PPIL2: variants seen among roughly 807,000 people sequenced by gnomAD.
PPIL2 encodes the protein RING-type E3 ubiquitin-protein ligase PPIL2.
In PPIL2, 50 loss-of-function variants were observed where a neutral mutation model predicts 75.2. The ratio of observed to expected loss-of-function variants is 0.66; its 90% CI spans 0.53 to 0.84. PPIL2 has a LOEUF of 0.84. Ranked by LOEUF, PPIL2 falls within the 40% of genes least tolerant of loss-of-function variation. PPIL2 has a pLI of 0.00. For synonymous variants in PPIL2, 245 were observed against 258.8 expected, an observed-to-expected ratio of 0.95 and a Z score of 0.51; for missense variants, 590 against 685.0, an observed-to-expected ratio of 0.86 and a Z score of 1.55.
intron 9 of PPIL2, among the ~76,000 whole-genome samples, chr22:21,684,044 C>T (rs2067238393): frequency 6.6e-6 from 1 of 151,140 alleles, no homozygotes; most frequent in African/African-American, 2.4e-5. Context: ...CCTGTCTCTA[C>T]AAAAAATAGA....
intron 13 of PPIL2, 150 bp downstream of exon 13, chr22:21,687,882 G>T: frequency 9.3e-7 from 1 of 1,073,498 alleles, no homozygotes. Flanking sequence ...GGAACCCATA[G>T]ACTGACCCTT....
intron 10 of PPIL2, 22 bp from the exon 11 acceptor site, chr22:21,686,461 G>A (rs202026507): frequency 4.3e-4 from 689 of 1,611,998 alleles, no homozygotes; most frequent in Non-Finnish European, 4.8e-4. Context: ...CTGCTGAGGT[G>A]CCACCCTGGT....
rs1569039720 is a variant in PPIL2 at position 21,688,754 on chromosome 22, G to GCCCT, written c.1045_1048dup (p.Phe350SerfsTer57). 1.2e-6 allele frequency: 2 copies of GCCCT among 1,614,200 alleles called. No homozygotes were observed. The highest frequency in any genetic ancestry group is 1.7e-6 in the Non-Finnish European group (2 of 1,180,020). On this transcript the variant is annotated frameshift_variant, in exon 15 of 20. Coordinates refer to ENST00000398831, the MANE Select transcript of PPIL2 (RefSeq NM_014337.4). LOFTEE classifies it high-confidence loss of function. ...CAGGTGGGGAGTCATACTGGGGGAA[G>GCCCT]CCCTTCAAAGACGAGTTCCGGCCCA...
chr22:21,686,022 C>CGTG (rs1320506436), intron 10 of PPIL2, among the ~76,000 whole-genome samples: 4 of 151,920 alleles, frequency 2.6e-5, no homozygotes, highest in Non-Finnish European at 4.4e-5. Flanking sequence ...ATCAGCCAGG[C>CGTG]GTGGTGGCAT....
intron 9 of PPIL2, among the ~76,000 whole-genome samples, chr22:21,683,876 A>G (rs1195285143): frequency 6.6e-6 from 1 of 152,174 alleles, no homozygotes; most frequent in Non-Finnish European, 1.5e-5. Flanking sequence ...ACCCCCAAAC[A>G]CTTCTATTAT....
At chr22:21,672,004 C>G (rs2066652056) in intron 4 of PPIL2, among the ~76,000 whole-genome samples, 1 of 152,124 alleles carries the variant, frequency 6.6e-6, no homozygotes, top group South Asian at 2.1e-4. Context: ...TGAGCCATGA[C>G]TGAAACACTG....
intron 1 of PPIL2, among the ~76,000 whole-genome samples, chr22:21,666,704 G>A (rs2066397497): frequency 6.6e-6 from 1 of 152,130 alleles, no homozygotes. Flanking sequence ...AGCTATTTGG[G>A]AGGCTGAGGC....
chr22:21,677,944 C>A (rs2148521722), intron 6 of PPIL2, among the ~76,000 whole-genome samples: 1 of 152,270 alleles, frequency 6.6e-6, no homozygotes, highest in Non-Finnish European at 1.5e-5. Flanking sequence ...GAGTGCAGGG[C>A]CAGGCTGATG....
At chr22:21,693,327 C>T (rs901176902) in intron 15 of PPIL2, among the ~76,000 whole-genome samples, 2 of 152,218 alleles carry the variant, frequency 1.3e-5, no homozygotes. Flanking sequence ...GGATTACAGG[C>T]GTGAGCCACT....
intron 10 of PPIL2, 151 bp downstream of exon 10, chr22:21,685,064 A>C (rs1336336294): frequency 1.7e-5 from 19 of 1,147,550 alleles, no homozygotes; most frequent in Non-Finnish European, 2.2e-5. Context: ...GGTGCCCCTG[A>C]TGGCTCTGAG....
intron 1 of PPIL2, among the ~76,000 whole-genome samples, chr22:21,667,561 G>C (rs951790851): frequency 6.6e-6 from 1 of 152,020 alleles, no homozygotes; most frequent in African/African-American, 2.4e-5. Flanking sequence ...CATGCTCTTT[G>C]TTTTCCATCG....
intron 15 of PPIL2, 96 bp from the exon 16 acceptor site, chr22:21,693,720 C>A: frequency 8.0e-7 from 1 of 1,242,624 alleles, no homozygotes; most frequent in Non-Finnish European, 1.2e-6. Context: ...GTTCCCAGAG[C>A]TGGCTGTAGA....
At chr22:21,678,589 G>T (rs1038815580) in intron 6 of PPIL2, among the ~76,000 whole-genome samples, 1 of 152,144 alleles carries the variant, frequency 6.6e-6, no homozygotes, top group African/African-American at 2.4e-5. Context: ...GGTGTGATAC[G>T]CCTCCCCTGT....
chr22:21,666,682 G>A (rs2066396551), intron 1 of PPIL2, among the ~76,000 whole-genome samples: 1 of 152,066 alleles, frequency 6.6e-6, no homozygotes, highest in African/African-American at 2.4e-5. Context: ...GGTGACGGGC[G>A]CCTGTAATCC....
intron 1 of PPIL2, 152 bp downstream of exon 1, chr22:21,666,283 CA>C (rs1226474345): frequency 1.0e-6 from 1 of 955,866 alleles, no homozygotes; most frequent in Non-Finnish European, 1.5e-6. Context: ...TGTCTCCAGT[CA>C]GGGTAATGAC....
chr22:21,687,999 G>C (rs2067447910), intron 13 of PPIL2, 74 bp from the exon 14 acceptor site: 1 of 1,579,286 alleles, frequency 6.3e-7, no homozygotes, highest in African/African-American at 1.3e-5. Context: ...GGCAGGAGGG[G>C]TGTCCTTCAG....
chr22:21,688,038 G>C, intron 13 of PPIL2, 35 bp from the exon 14 acceptor site: 1 of 1,614,134 alleles, frequency 6.2e-7, no homozygotes, highest in Non-Finnish European at 8.5e-7. Context: ...TCGGGTCTCA[G>C]AGTGTGACTT....
rs148076381 is a variant in PPIL2, at chr22:21,687,722, G to A, written c.977G>A (p.Arg326Gln). Residue 326 changes from arginine (R) to glutamine (Q), a missense_variant, in exon 13 of 20, where the codon CGG becomes CAG. Coordinates refer to ENST00000398831, the MANE Select transcript of PPIL2 (RefSeq NM_014337.4). The part of the protein sequence containing the change: ...YDGTIFHRSI[R>Q]NFVIQGGDPT... Reference sequence around the variant, plus strand: ...GGCACCATCTTCCACAGATCCATCCGGAACTTTGTGGTGAGTGACGAGAGT... The same window carrying A: ...GGCACCATCTTCCACAGATCCATCCAGAACTTTGTGGTGAGTGACGAGAGT... 981 of 1,612,610 alleles carry A rather than the reference G, an allele frequency of 6.1e-4. No individual in the cohort carries two copies. Among genetic ancestry groups the A allele is most frequent in the Non-Finnish European group, 8.0e-4 (944 of 1,179,068 alleles).
In PPIL2 at chr22:21,675,095, A is replaced by G. The variant is rs750390137; in HGVS notation, c.275A>G (p.Asn92Ser). The change falls in exon 6 of 20, where the codon AAC becomes AGC. Residue 92 changes from asparagine (N) to serine (S), a missense_variant. Coordinates refer to ENST00000398831, the MANE Select transcript of PPIL2 (RefSeq NM_014337.4). ...GACGGGAGGTCCCTGATCAAGCTGA[A>G]CTTTTCCAAGAACAGTGAGGGTGAG... Reference protein sequence around the residue: ...KLDGRSLIKLNFSKNSEGKYH... With the variant: ...KLDGRSLIKLSFSKNSEGKYH... The G allele has an allele frequency of 5.0e-6, 8 of 1,613,354 alleles. No homozygotes were observed. In the East Asian group the frequency reaches 1.8e-4, roughly 36 times the overall value.
Sources: allele counts gnomAD v4.1 joint callset (sites outside exome capture counted in the v4.1 genomes callset), GRCh38; gene constraint gnomAD v4.1.1; transcripts MANE v1.5; gene names NCBI Gene and HGNC (gene_info 2026-07-23, HGNC 2026-07-21).